GXYLT1: variants seen among roughly 807,000 people sequenced by gnomAD.
GXYLT1 encodes the protein glycosyltransferase 8 domain containing 3.
In GXYLT1, 29 loss-of-function variants were observed where a neutral mutation model predicts 54.0. The ratio of observed to expected loss-of-function variants is 0.54; its 90% CI spans 0.40 to 0.73. The LOEUF (loss-of-function observed/expected upper bound fraction) is 0.73, where lower values mean the gene tolerates loss of function less well. GXYLT1 is among the 30% of genes least tolerant of loss of function. The pLI is 0.00. For missense variants in GXYLT1, 490 were observed against 553.4 expected, an observed-to-expected ratio of 0.89 and a Z score of 1.15; for synonymous variants, 176 against 204.1, an observed-to-expected ratio of 0.86 and a Z score of 1.17.
chr12:42,144,398 C>T (rs1456098022), intron 1 of GXYLT1, 28 bp downstream of exon 1: 1 of 1,346,744 alleles, frequency 7.4e-7, no homozygotes, highest in Admixed American at 3.1e-5. Context: ...GCGCCCGCCG[C>T]GTCCCCCACA....
At position 42,097,735 on chromosome 12, in the gene GXYLT1, G is replaced by A. The variant is rs1195873048; in HGVS notation, c.989-121C>T. 4 of 1,080,730 alleles carry A rather than the reference G, an allele frequency of 3.7e-6. No individual in the cohort carries two copies. The South Asian group carries it at 4.5e-5, about 12-fold the overall frequency. 66.9% of individuals were successfully genotyped at this position (1,080,730 alleles called of 1,614,324 possible). ...AAGTAAGAATTAATGAAAAATGTCT[G>A]GCATTTAGATCTCTTCCAATTAAAG... On this transcript the variant is annotated intron_variant, in intron 6 of 7. Coordinates refer to ENST00000398675, the MANE Select transcript of GXYLT1 (RefSeq NM_173601.2).
intron 7 of GXYLT1, among the ~76,000 whole-genome samples, chr12:42,094,064 A>G (rs939369034): frequency 6.6e-6 from 1 of 151,968 alleles, no homozygotes; most frequent in Admixed American, 6.6e-5. Context: ...TTAAAAAAAA[A>G]AAAGGGGGGT....
At position 42,094,287 on chromosome 12, in the gene GXYLT1, G is replaced by A. The variant is rs183768136; in HGVS notation, c.1161+3155C>T. 1.2e-3 allele frequency among the ~76,000 whole-genome samples: 186 copies of A among 150,790 alleles called. 2 individuals are homozygous for A. Among genetic ancestry groups the A allele is most frequent in the African/African-American group, 4.5e-3 (183 of 41,052 alleles). On this transcript the variant is annotated intron_variant, in intron 7 of 7. Transcript: ENST00000398675. The stretch of plus-strand genomic sequence containing the variant: ...GATCAACTGAATCCAGAAGGTCAAC[G>A]CTGCAGTAAGCTGTGATCACACTAC...
At chr12:42,129,688 T>C in intron 2 of GXYLT1, 71 bp downstream of exon 2, 2 of 868,856 alleles carry the variant, frequency 2.3e-6, no homozygotes, top group Non-Finnish European at 3.8e-6. Flanking sequence ...TTACATCCTA[T>C]TACAAAGGTT....
At chr12:42,122,447 G>A (rs375355267) in intron 2 of GXYLT1, among the ~76,000 whole-genome samples, 16 of 152,010 alleles carry the variant, frequency 1.1e-4, no homozygotes, top group African/African-American at 3.1e-4. Flanking sequence ...ATAATTAGCC[G>A]GGCATGGTGG....
In GXYLT1 at chr12:42,097,892, A is replaced by T; in HGVS notation, c.988+18T>A. 6.5e-7 allele frequency: 1 copy of T among 1,542,024 alleles called. No individual in the cohort carries two copies. Among genetic ancestry groups the T allele is most frequent in the Non-Finnish European group, 8.9e-7 (1 of 1,128,032 alleles). ...CTGTGATTTTTTTAATGCAAATAAA[A>T]GGAATTTAAATAATTACCTGGATTA... On this transcript the variant is annotated intron_variant, in intron 6 of 7. Coordinates refer to ENST00000398675, the MANE Select transcript of GXYLT1 (RefSeq NM_173601.2).
chr12:42,094,797 T>G (rs992207617), intron 7 of GXYLT1, among the ~76,000 whole-genome samples: 1 of 152,064 alleles, frequency 6.6e-6, no homozygotes, highest in South Asian at 2.1e-4. Context: ...ATTCCTAACA[T>G]ACAAAGAACT....
At chr12:42,131,942 A>G (rs982060775) in intron 1 of GXYLT1, among the ~76,000 whole-genome samples, 2 of 152,212 alleles carry the variant, frequency 1.3e-5, no homozygotes, top group African/African-American at 4.8e-5. Flanking sequence ...ATCAACACCT[A>G]ATGTGTACCT....
At chr12:42,135,025 T>C (rs773619362) in intron 1 of GXYLT1, among the ~76,000 whole-genome samples, 4 of 152,240 alleles carry the variant, frequency 2.6e-5, no homozygotes, top group Non-Finnish European at 5.9e-5. Context: ...TTCATTACCA[T>C]GGGCCTTGCC....
chr12:42,126,395 G>T (rs976288909), intron 2 of GXYLT1, among the ~76,000 whole-genome samples: 2 of 152,138 alleles, frequency 1.3e-5, no homozygotes, highest in African/African-American at 4.8e-5. Context: ...GTACTCAAAA[G>T]AAGCTTGCTG....
chr12:42,090,495 T>G (rs902838767), intron 7 of GXYLT1, among the ~76,000 whole-genome samples: 7 of 152,248 alleles, frequency 4.6e-5, no homozygotes, highest in Admixed American at 4.6e-4. Context: ...AGCCTTTCCA[T>G]GTACAGTTAA....
rs76266834 is a variant in GXYLT1 at position 42,084,380 on chromosome 12, C to A, written c.*3406G>T. The A allele has an allele frequency of 2.8e-5, 1 of 36,158 alleles. No individual in the cohort carries two copies. The highest frequency in any genetic ancestry group is 6.7e-5 in the Non-Finnish European group (1 of 15,002). The allele number at this position is 36,158 out of a possible 1,614,324, so 2.2% of individuals were successfully genotyped here. A position where few individuals can be genotyped will look rare whatever the true frequency, so the allele number is the denominator to read the frequency against. On this transcript the variant is annotated 3_prime_UTR_variant, in exon 8 of 8. Coordinates refer to ENST00000398675, the MANE Select transcript of GXYLT1 (RefSeq NM_173601.2). ...ACTTTCTCTTCCTGAAAAACTCTTC[C>A]TTACATAAACAAATTCATACTGGAG...
In GXYLT1 at chr12:42,085,135, A is replaced by G. The variant is rs1214012182; in HGVS notation, c.*2651T>C. 6.6e-6 allele frequency: 1 copy of G among 152,258 alleles called. No homozygotes were observed. The highest frequency in any genetic ancestry group is 1.5e-5 in the Non-Finnish European group (1 of 68,046). 9.4% of individuals were successfully genotyped at this position (152,258 alleles called of 1,614,324 possible). On this transcript the variant is annotated 3_prime_UTR_variant, in exon 8 of 8. Coordinates refer to ENST00000398675, the MANE Select transcript of GXYLT1 (RefSeq NM_173601.2). The stretch of plus-strand genomic sequence containing the variant: ...ACCTTGTCTAAAGATAAATTCAGAA[A>G]ATTCATTTAAAAATTATTATACATA...
At chr12:42,097,170 A>T (rs1291440926) in intron 7 of GXYLT1, among the ~76,000 whole-genome samples, 1 of 146,368 alleles carries the variant, frequency 6.8e-6, no homozygotes, top group Non-Finnish European at 1.5e-5. Context: ...TTCTTAGTTT[A>T]AAAAAAAAAA....
At chr12:42,105,671 T>A (rs983581185) in intron 5 of GXYLT1, 147 bp downstream of exon 5, 1 of 587,610 alleles carries the variant, frequency 1.7e-6, no homozygotes, top group Non-Finnish European at 2.9e-6. Flanking sequence ...TAGATAAATC[T>A]AGATATTTAT....
chr12:42,132,781 TTTG>T (rs568920249), intron 1 of GXYLT1, among the ~76,000 whole-genome samples: 378 of 151,850 alleles, frequency 2.5e-3, no homozygotes, highest in Non-Finnish European at 5.0e-3. Context: ...ATGTTTTTGT[TTTG>T]TTTTTTTTTT....
At chr12:42,111,675 G>C (rs1019501283) in intron 3 of GXYLT1, among the ~76,000 whole-genome samples, 27 of 152,350 alleles carry the variant, frequency 1.8e-4, no homozygotes, top group Admixed American at 6.5e-4. Context: ...AGCTCAAGGA[G>C]GCCTGCCTGC....
chr12:42,114,021 G>A (rs1285463768), intron 3 of GXYLT1, among the ~76,000 whole-genome samples: 1 of 152,176 alleles, frequency 6.6e-6, no homozygotes, highest in African/African-American at 2.4e-5. Flanking sequence ...ACCTGCTCCG[G>A]AATGACTACT....
Position 42,144,824 on chromosome 12 carries a change from G to C in GXYLT1, c.-178C>G. On this transcript the variant is annotated 5_prime_UTR_variant, in exon 1 of 8. Coordinates refer to ENST00000398675, the MANE Select transcript of GXYLT1 (RefSeq NM_173601.2). ...GCCCACCACCTAGGCGAGCGCAGTC[G>C]CGGCTCCGGAGCCGAAGGACTACCC... The C allele has an allele frequency of 2.5e-6, 1 of 396,320 alleles. No individual in the cohort carries two copies. The highest frequency in any genetic ancestry group is 4.3e-6 in the Non-Finnish European group (1 of 230,076). 24.6% of individuals were successfully genotyped at this position (396,320 alleles called of 1,614,324 possible). A position where few individuals can be genotyped will look rare whatever the true frequency, so the allele number is the denominator to read the frequency against.
Sources: allele counts gnomAD v4.1 joint callset (sites outside exome capture counted in the v4.1 genomes callset), GRCh38; gene constraint gnomAD v4.1.1; transcripts MANE v1.5; gene names NCBI Gene and HGNC (gene_info 2026-07-23, HGNC 2026-07-21).